The following AP3S1 variants were observed in gnomAD, a reference collection of about 807,000 sequenced individuals.
AP3S1 encodes AP-3 complex subunit sigma-1.
Under a neutral mutation model 21.3 loss-of-function variants are expected in AP3S1, and 12 were observed. That is an observed-to-expected ratio of 0.56 (90% CI 0.36 to 0.91). The LOEUF (loss-of-function observed/expected upper bound fraction) is 0.91. AP3S1 is among the 40% of genes least tolerant of loss of function. AP3S1 has a pLI of 0.01. For synonymous variants in AP3S1, 48 were observed against 78.4 expected (o/e 0.61, Z 2.05); for missense variants, 116 against 225.0 (o/e 0.52, Z 3.10).
At chr5:115,909,838 A>G (rs1751954605) in intron 5 of AP3S1, among the ~76,000 whole-genome samples, 1 of 152,196 alleles carries the variant, frequency 6.6e-6, no homozygotes, top group Non-Finnish European at 1.5e-5. Flanking sequence ...TGTGTATACT[A>G]CTGAACCTTA....
At chr5:115,870,182 T>C in intron 3 of AP3S1, 54 bp downstream of exon 3, 2 of 1,135,264 alleles carry the variant, frequency 1.8e-6, no homozygotes, top group Non-Finnish European at 2.5e-6. Flanking sequence ...CATTTAAATT[T>C]TTAAAAACTT....
At chr5:115,845,575 T>C (rs950071711) in intron 1 of AP3S1, among the ~76,000 whole-genome samples, 11 of 152,150 alleles carry the variant, frequency 7.2e-5, no homozygotes, top group Non-Finnish European at 1.5e-5. Flanking sequence ...GGCTCATGCC[T>C]GTAATCTCAG....
intron 4 of AP3S1, among the ~76,000 whole-genome samples, chr5:115,902,077 A>T (rs919990947): frequency 1.3e-5 from 2 of 152,188 alleles, no homozygotes; most frequent in African/African-American, 4.8e-5. Context: ...AGCTGAAGTA[A>T]CTGCTCAAGG....
chr5:115,907,025 C>A, intron 5 of AP3S1: 1 of 970,082 alleles, frequency 1.0e-6, no homozygotes, highest in Non-Finnish European at 1.2e-6. Flanking sequence ...GTTTCTTCAT[C>A]TTTTATTGGA....
intron 3 of AP3S1, among the ~76,000 whole-genome samples, chr5:115,876,888 A>C (rs1414761018): frequency 6.6e-6 from 1 of 152,170 alleles, no homozygotes; most frequent in African/African-American, 2.4e-5. Context: ...TATGATGTCC[A>C]TTTGTTCCAC....
intron 5 of AP3S1, chr5:115,908,948 T>C (rs995898174): frequency 2.0e-6 from 2 of 976,216 alleles, no homozygotes; most frequent in Non-Finnish European, 2.4e-6. Flanking sequence ...ATTGTGTTTA[T>C]TAATGTTGGT....
At chr5:115,889,859 CA>C (rs1218282792) in intron 3 of AP3S1, among the ~76,000 whole-genome samples, 2 of 151,966 alleles carry the variant, frequency 1.3e-5, no homozygotes, top group Non-Finnish European at 2.9e-5. Context: ...AAATCTTGAA[CA>C]GGCATTATGA....
chr5:115,857,122 G>A (rs78909871), intron 1 of AP3S1, among the ~76,000 whole-genome samples: 8,996 of 152,238 alleles, frequency 0.059, 358 homozygotes, highest in Non-Finnish European at 0.087. Context: ...TTAAAGGTTA[G>A]CACAGTTGAC....
chr5:115,860,489 G>T (rs575333376), intron 1 of AP3S1, among the ~76,000 whole-genome samples: 3 of 152,290 alleles, frequency 2.0e-5, no homozygotes, highest in Admixed American at 6.5e-5. Flanking sequence ...GGGGATGGTA[G>T]TGGGAATTTA....
chr5:115,846,699 G>A (rs181215464), intron 1 of AP3S1, among the ~76,000 whole-genome samples: 195 of 151,770 alleles, frequency 1.3e-3, no homozygotes, highest in African/African-American at 4.6e-3. Flanking sequence ...AAGACGTTGT[G>A]GCAGATGGGA....
intron 5 of AP3S1, 64 bp downstream of exon 5, chr5:115,903,056 G>A (rs1042152540): frequency 2.4e-6 from 3 of 1,231,538 alleles, no homozygotes; most frequent in African/African-American, 3.0e-5. Context: ...CGCATGATTT[G>A]TAGTTTTCAC....
At chr5:115,864,906 A>C (rs563940589) in intron 1 of AP3S1, among the ~76,000 whole-genome samples, 1 of 152,352 alleles carries the variant, frequency 6.6e-6, no homozygotes, top group African/African-American at 2.4e-5. Context: ...AGTTCCAGTT[A>C]TTCAAGACTG....
chr5:115,876,483 G>A (rs937735406), intron 3 of AP3S1, among the ~76,000 whole-genome samples: 3 of 152,090 alleles, frequency 2.0e-5, no homozygotes, highest in Admixed American at 6.6e-5. Context: ...GGAAGGAATT[G>A]GACATGGTGG....
At chr5:115,913,261 A>G (rs1164669893) in intron 5 of AP3S1, 101 bp from the exon 6 acceptor site, 2 of 1,294,322 alleles carry the variant, frequency 1.5e-6, no homozygotes, top group East Asian at 2.4e-5. Context: ...TAAGCTTGTT[A>G]TATGAAAATC....
chr5:115,846,489 A>G (rs1762073633), intron 1 of AP3S1, among the ~76,000 whole-genome samples: 1 of 152,038 alleles, frequency 6.6e-6, no homozygotes, highest in Admixed American at 6.5e-5. Flanking sequence ...TTTTTAATAA[A>G]CTGTATTTAA....
chr5:115,867,542 T>A (rs897766323), intron 2 of AP3S1, among the ~76,000 whole-genome samples: 1 of 152,208 alleles, frequency 6.6e-6, no homozygotes, highest in Non-Finnish European at 1.5e-5. Context: ...ATACTCTGGA[T>A]AACAGGGAAT....
Position 115,867,095 on chromosome 5 carries a change from A to T in AP3S1, c.161+334A>T, listed in dbSNP as rs148122399. Reference sequence around the variant, plus strand: ...TTTCTTGTGTATCCTTCTAGAAAATAGTTTGTATTGACTAACATATAAAGT... The same window carrying T: ...TTTCTTGTGTATCCTTCTAGAAAATTGTTTGTATTGACTAACATATAAAGT... On this transcript the variant is annotated intron_variant, in intron 2 of 5. Transcript: ENST00000316788. 5.1e-3 allele frequency among the ~76,000 whole-genome samples: 771 copies of T among 152,264 alleles called. 2 individuals carry two copies. The highest frequency in any genetic ancestry group is 7.2e-3 in the South Asian group (35 of 4,828).
intron 1 of AP3S1, among the ~76,000 whole-genome samples, chr5:115,855,324 C>T (rs1762726952): frequency 6.6e-6 from 1 of 152,170 alleles, no homozygotes. Flanking sequence ...CAGGCGTGAG[C>T]CACCGTGCCT....
intron 5 of AP3S1, among the ~76,000 whole-genome samples, chr5:115,909,582 G>A (rs1328427055): frequency 1.3e-4 from 19 of 151,890 alleles, no homozygotes. Context: ...GTTTTTATTG[G>A]TGTAGTCGCT....
Sources: gnomAD v4.1 joint callset for allele counts (sites outside exome capture counted in the v4.1 genomes callset) on GRCh38, gnomAD v4.1.1 for gene constraint, MANE v1.5 for transcripts, NCBI Gene and HGNC (gene_info 2026-07-23, HGNC 2026-07-21) for gene names.